The following NUP214 variants were observed in gnomAD, a reference collection of about 807,000 sequenced individuals.
NUP214 encodes nuclear pore complex protein Nup214.
Under a neutral mutation model 196.2 loss-of-function variants are expected in NUP214, and 79 were observed. That is an observed-to-expected ratio of 0.40 (90% CI 0.34 to 0.49). NUP214 has a LOEUF of 0.49. Ranked by LOEUF, NUP214 falls within the 20% of genes least tolerant of loss-of-function variation. NUP214 has a pLI of 0.58. For synonymous variants in NUP214, 1,020 were observed against 990.5 expected (o/e 1.03, Z -0.56); for missense variants, 2,468 against 2,539.0 (o/e 0.97, Z 0.60).
At chr9:131,231,534 A>G (rs1382270699) in intron 34 of NUP214, among the ~76,000 whole-genome samples, 1 of 151,860 alleles carries the variant, frequency 6.6e-6, no homozygotes, top group African/African-American at 2.4e-5. Context: ...TTTCTTACCA[A>G]AGAAATTACT....
chr9:131,150,382 A>T lies in NUP214; in HGVS notation c.2099A>T (p.Asp700Val). The T allele has an allele frequency of 6.2e-7, 1 of 1,614,184 alleles. No individual in the cohort carries two copies. Among genetic ancestry groups the T allele is most frequent in the Non-Finnish European group, 8.5e-7 (1 of 1,180,024 alleles). Residue 700 changes from aspartate (D) to valine (V), a missense_variant, in exon 15 of 36, where the codon GAT becomes GTT. Asp to Val is a radical substitution (Grantham distance 152, BLOSUM62 -3). Transcript: ENST00000359428. Reference protein sequence around the residue: ...EKQGHQWKDSDPVMAGIGEEI... With the variant: ...EKQGHQWKDSVPVMAGIGEEI... ...CAGGGACATCAGTGGAAAGATTCAG[A>T]TCCTGTAATGGCTGGAATTGGGGAG... is the stretch of plus-strand genomic sequence containing the variant.
intron 30 of NUP214, among the ~76,000 whole-genome samples, chr9:131,206,884 T>C (rs2131064352): frequency 6.6e-6 from 1 of 152,358 alleles, no homozygotes; most frequent in Admixed American, 6.5e-5. Flanking sequence ...CCACTCCGTA[T>C]TCTTCCACCA....
At chr9:131,223,724 T>TTTATTTATTTA (rs1834635317) in intron 32 of NUP214, among the ~76,000 whole-genome samples, 1 of 18,582 alleles carries the variant, frequency 5.4e-5, no homozygotes, top group Non-Finnish European at 1.4e-4. Flanking sequence ...TATTTATTTA[T>TTTATTTATTTA]TTATTTTTTT....
intron 27 of NUP214, among the ~76,000 whole-genome samples, chr9:131,195,010 T>G (rs1833734312): frequency 6.6e-6 from 1 of 152,230 alleles, no homozygotes; most frequent in Admixed American, 6.5e-5. Flanking sequence ...GGCTCTCAAC[T>G]GCTATCCCTG....
Position 131,144,469 on chromosome 9 carries a change from TCACTGGGGAGCCC to T in NUP214, c.1486_1498del (p.Thr496LeufsTer31). On this transcript the variant is annotated frameshift_variant, in exon 12 of 36. Transcript: ENST00000359428. LOFTEE classifies it high-confidence loss of function. ...TCATCTTTGAAGTCATCTGCTACGGTCACTGGGGAGCCCCCTTCATATTCCAGTGGCTCCGACA... is the reference window on the plus strand; with the variant it reads ...TCATCTTTGAAGTCATCTGCTACGGTCCTTCATATTCCAGTGGCTCCGACA... The T allele has an allele frequency of 1.9e-6, 3 of 1,614,164 alleles. No individual in the cohort carries two copies. Among genetic ancestry groups the T allele is most frequent in the Non-Finnish European group, 1.7e-6 (2 of 1,180,022 alleles).
At chr9:131,175,199 G>C (rs1341010039) in intron 22 of NUP214, among the ~76,000 whole-genome samples, 2 of 152,154 alleles carry the variant, frequency 1.3e-5, no homozygotes, top group Admixed American at 6.5e-5. Context: ...AGGGGATCAG[G>C]GAATTGGTCT....
At chr9:131,147,637 GCATACCTATGAATAAAAT>G (rs1832123099) in intron 14 of NUP214, 53 bp downstream of exon 14, 1 of 1,244,464 alleles carries the variant, frequency 8.0e-7, no homozygotes, top group South Asian at 1.2e-5. Flanking sequence ...ACTGCCCCAA[GCATACCTATGAATAAAAT>G]GAGTTTTCAT....
At chr9:131,199,465 C>T (rs1243276175) in intron 29 of NUP214, among the ~76,000 whole-genome samples, 2 of 152,138 alleles carry the variant, frequency 1.3e-5, no homozygotes, top group African/African-American at 2.4e-5. Flanking sequence ...CATAGTCCAC[C>T]GCCCTGCCAG....
chr9:131,133,304 G>GTTTT (rs751108620), intron 7 of NUP214, 95 bp downstream of exon 7: 5,591 of 419,150 alleles, frequency 0.013, 6 homozygotes, highest in East Asian at 0.028. Flanking sequence ...TTGTGTTTGT[G>GTTTT]TTTTTTTTTT....
At chr9:131,132,100 C>T (rs983809796) in intron 5 of NUP214, among the ~76,000 whole-genome samples, 1 of 141,256 alleles carries the variant, frequency 7.1e-6, no homozygotes, top group Non-Finnish European at 1.5e-5. Flanking sequence ...TGCGTTCATG[C>T]GTTTCTTTTC....
In NUP214 at chr9:131,197,788, C is replaced by G; in HGVS notation, c.4294C>G (p.Leu1432Val). 1 of 1,614,178 alleles carries G rather than the reference C, an allele frequency of 6.2e-7. No individual in the cohort carries two copies. The highest frequency in any genetic ancestry group is 1.7e-5 in the Admixed American group (1 of 60,030). ...SGVISFGGTS[L>V]SAGKTSFSFG... ...GGTCATCAGTTTTGGTGGGACATCTCTAAGTGCTGGCAAGACTAGTTTTTC... is the reference window on the plus strand; with the variant it reads ...GGTCATCAGTTTTGGTGGGACATCTGTAAGTGCTGGCAAGACTAGTTTTTC... The change falls in exon 29 of 36, where the codon CTA becomes GTA. Residue 1432 changes from leucine (L) to valine (V), a missense_variant. Physicochemically the swap from Leu to Val is conservative, Grantham distance 32. Around this residue, in one of 5 missense-constraint regions of NUP214, gnomAD observed 1,801 missense variants for 1,779.4 expected, o/e 1.01. Transcript: ENST00000359428.
chr9:131,230,892 G>C (rs1834857077), intron 34 of NUP214, 123 bp downstream of exon 34: 2 of 1,154,030 alleles, frequency 1.7e-6, no homozygotes, highest in Non-Finnish European at 2.4e-6. Flanking sequence ...CTGGGCACGT[G>C]GTTCACGCCT....
intron 26 of NUP214, chr9:131,190,370 GTC>G: frequency 3.0e-6 from 2 of 659,136 alleles, no homozygotes; most frequent in Non-Finnish European, 5.4e-6. Flanking sequence ...CTTTATGCAT[GTC>G]TGGGCAAGTA....
intron 27 of NUP214, chr9:131,192,584 A>C (rs1487953571): frequency 4.5e-6 from 1 of 221,712 alleles, no homozygotes; most frequent in Non-Finnish European, 8.8e-6. Flanking sequence ...TAGTTCATCT[A>C]GTTTGTCACA....
chr9:131,135,213 C>A, intron 8 of NUP214: 1 of 498,860 alleles, frequency 2.0e-6, no homozygotes, highest in South Asian at 3.5e-5. Flanking sequence ...CCTCAGCCTC[C>A]CAGATGGGAC....
At chr9:131,188,421 C>A (rs967471655) in intron 25 of NUP214, among the ~76,000 whole-genome samples, 1 of 152,238 alleles carries the variant, frequency 6.6e-6, no homozygotes, top group Non-Finnish European at 1.5e-5. Flanking sequence ...ACTACTCTTA[C>A]ATCTGTCTCT....
intron 9 of NUP214, chr9:131,136,442 C>T (rs904838031): frequency 6.4e-6 from 1 of 156,398 alleles, no homozygotes; most frequent in South Asian, 1.9e-4. Context: ...AGACTTAGCA[C>T]TTCCTTCGCT....
chr9:131,145,120 A>AC (rs1832051358), intron 12 of NUP214, among the ~76,000 whole-genome samples: 1 of 151,816 alleles, frequency 6.6e-6, no homozygotes, highest in Non-Finnish European at 1.5e-5. Context: ...CCCTGTGTCT[A>AC]CCCTTAACTC....
intron 18 of NUP214, among the ~76,000 whole-genome samples, chr9:131,160,998 AG>A (rs1832614911): frequency 6.6e-6 from 1 of 152,252 alleles, no homozygotes; most frequent in Admixed American, 6.5e-5. Flanking sequence ...CTAACCTTAC[AG>A]TGGGTACATT....
Sources: allele counts gnomAD v4.1 joint callset (sites outside exome capture counted in the v4.1 genomes callset), GRCh38; gene constraint gnomAD v4.1.1; regional missense constraint gnomAD v4.1.1; transcripts MANE v1.5; gene names NCBI Gene and HGNC (gene_info 2026-07-23, HGNC 2026-07-21).